PREX1: variants seen among roughly 807,000 people sequenced by gnomAD.
The protein encoded by PREX1 is phosphatidylinositol-3,4,5-trisphosphate dependent Rac exchange factor 1.
In PREX1, 41 loss-of-function variants were observed where a neutral mutation model predicts 198.3. The observed-to-expected ratio is 0.21, with a 90% CI of 0.16 to 0.27. PREX1 has a LOEUF of 0.27. PREX1 is among the 10% of genes least tolerant of loss of function. The pLI, the probability that PREX1 is intolerant of heterozygous loss-of-function variation, is 1.00. For missense variants in PREX1, 1,620 were observed against 2,200.7 expected (o/e 0.74, Z 5.28); for synonymous variants, 843 against 887.2 (o/e 0.95, Z 0.89).
chr20:48,791,070 A>G (rs150486367), intron 1 of PREX1, among the ~76,000 whole-genome samples: 1 of 152,306 alleles, frequency 6.6e-6, no homozygotes, highest in Non-Finnish European at 1.5e-5. Flanking sequence ...TGAATAATGC[A>G]TACACTGTAC....
chr20:48,763,940 G>A (rs545581181), intron 1 of PREX1, among the ~76,000 whole-genome samples: 4 of 152,052 alleles, frequency 2.6e-5, no homozygotes, highest in African/African-American at 4.8e-5. Flanking sequence ...TCCATTTTAC[G>A]AAAAAGGAGA....
At chr20:48,851,667 G>A in the PREX1 span, among the ~76,000 whole-genome samples, 1 of 152,118 alleles carries the variant, frequency 6.6e-6, no homozygotes, top group South Asian at 2.1e-4. Flanking sequence ...CATGGTGCAC[G>A]CTGGTTGGCT....
In PREX1 at chr20:48,652,500, G is replaced by A; in HGVS notation, c.2467+86C>T. 4.1e-6 allele frequency: 6 copies of A among 1,462,448 alleles called. No homozygotes were observed. In the South Asian group the frequency reaches 4.2e-5, roughly 10 times the overall value. 90.6% of individuals were successfully genotyped at this position (1,462,448 alleles called of 1,614,324 possible). ...AGGTGGACTGGCTGGGAGGAGGGGAGGGGAGGGGACAACAGGAGAGGACCC... is the reference window on the plus strand; with the variant it reads ...AGGTGGACTGGCTGGGAGGAGGGGAAGGGAGGGGACAACAGGAGAGGACCC... On this transcript the variant is annotated intron_variant, in intron 21 of 39. Transcript: ENST00000371941.
At chr20:48,743,588 G>A (rs754082667) in intron 3 of PREX1, among the ~76,000 whole-genome samples, 44 of 152,222 alleles carry the variant, frequency 2.9e-4, no homozygotes, top group Non-Finnish European at 3.8e-4. Context: ...ATGGAGGAGC[G>A]TCCGCTATGT....
intron 33 of PREX1, among the ~76,000 whole-genome samples, 155 bp from the exon 34 acceptor site, chr20:48,632,794 T>C (rs2089326107): frequency 6.6e-6 from 1 of 151,774 alleles, no homozygotes; most frequent in Non-Finnish European, 1.5e-5. Context: ...AGGGGTAGCC[T>C]CAGACCTCCC....
At chr20:48,826,847 A>C (rs115138272) in intron 1 of PREX1, among the ~76,000 whole-genome samples, 1,934 of 152,298 alleles carry the variant, frequency 0.013, 37 homozygotes, top group African/African-American at 0.044. Context: ...TGACTGAGGG[A>C]GACTCCGTCT....
Position 48,625,703 on chromosome 20 carries a change from T to A in PREX1, c.*182A>T. The stretch of plus-strand genomic sequence containing the variant: ...GCCGGCCCAGGGCCAATCAGCCAGC[T>A]CGTCATCACAGCGAGGGTGGCCAGG... On this transcript the variant is annotated 3_prime_UTR_variant, in exon 40 of 40. Coordinates refer to ENST00000371941, the MANE Select transcript of PREX1 (RefSeq NM_020820.4). The A allele has an allele frequency of 1.4e-6, 1 of 710,092 alleles. No homozygotes were observed. The highest frequency in any genetic ancestry group is 2.2e-6 in the Non-Finnish European group (1 of 450,932). The allele number at this position is 710,092 out of a possible 1,614,324, so 44.0% of individuals were successfully genotyped here.
At chr20:48,862,801 A>ATG in the PREX1 span, among the ~76,000 whole-genome samples, 3 of 133,698 alleles carry the variant, frequency 2.2e-5, no homozygotes, top group South Asian at 2.3e-4. Flanking sequence ...ATATATATAT[A>ATG]TATATATATA....
the PREX1 span, among the ~76,000 whole-genome samples, chr20:48,866,834 T>C: frequency 1.3e-5 from 2 of 151,868 alleles, no homozygotes; most frequent in Non-Finnish European, 2.9e-5. Flanking sequence ...GAGGCTAAGG[T>C]GGGAGGATCA....
intron 14 of PREX1, among the ~76,000 whole-genome samples, chr20:48,673,406 C>T (rs4810849): frequency 0.52 from 79,089 of 152,004 alleles, 21,567 homozygotes; most frequent in African/African-American, 0.68. Flanking sequence ...CTGTTGTCTC[C>T]GTGAGCCAAC....
intron 1 of PREX1, among the ~76,000 whole-genome samples, chr20:48,773,511 G>T (rs1049975900): frequency 6.6e-6 from 1 of 152,164 alleles, no homozygotes; most frequent in Non-Finnish European, 1.5e-5. Context: ...CATTCATTCA[G>T]CAGGTACTTA....
chr20:48,640,554 G>A (rs889010938), intron 29 of PREX1, among the ~76,000 whole-genome samples: 3 of 152,076 alleles, frequency 2.0e-5, no homozygotes, highest in African/African-American at 7.2e-5. Context: ...CTGAGCTGGG[G>A]AGCCCCAAGT....
intron 3 of PREX1, among the ~76,000 whole-genome samples, chr20:48,737,911 A>G (rs79895253): frequency 0.016 from 2,373 of 152,286 alleles, 34 homozygotes; most frequent in Non-Finnish European, 0.023. Context: ...CCTGAAGCCA[A>G]CCTACACTCC....
chr20:48,642,149 G>A lies in PREX1; in HGVS notation c.3775+19C>T, dbSNP rs376107540. ...CTTCCCCATCGCAGGCTGTCACCTTGGACTGGCTATCCCCTCACCTTGTAA... is the reference window on the plus strand; with the variant it reads ...CTTCCCCATCGCAGGCTGTCACCTTAGACTGGCTATCCCCTCACCTTGTAA... On this transcript the variant is annotated intron_variant, in intron 29 of 39. Transcript: ENST00000371941. The A allele has an allele frequency of 2.2e-4, 354 of 1,610,956 alleles. No individual in the cohort carries two copies. Among genetic ancestry groups the A allele is most frequent in the Non-Finnish European group, 2.8e-4 (332 of 1,177,244 alleles).
At chr20:48,750,713 C>G (rs1167393025) in intron 1 of PREX1, among the ~76,000 whole-genome samples, 1 of 152,188 alleles carries the variant, frequency 6.6e-6, no homozygotes, top group Non-Finnish European at 1.5e-5. Flanking sequence ...ATCTTCCCAT[C>G]TTGCGTTAGG....
rs1409163435 is a variant in PREX1 at position 48,679,627 on chromosome 20, G to A, written c.1539+24C>T. The A allele has an allele frequency of 5.1e-6, 8 of 1,568,424 alleles. No individual in the cohort carries two copies. In the East Asian group the frequency reaches 1.6e-4, roughly 31 times the overall value. ...GGTGAACGAGGCCAGCTGAGTCAGA[G>A]TCACAGGGGCGGAGGGCCCCTACCT... On this transcript the variant is annotated intron_variant, in intron 12 of 39. Transcript: ENST00000371941.
chr20:48,739,196 T>C (rs1269696391), intron 3 of PREX1, among the ~76,000 whole-genome samples: 2 of 152,130 alleles, frequency 1.3e-5, no homozygotes, highest in Non-Finnish European at 2.9e-5. Context: ...TGAGCTAAGC[T>C]TGCTCCCAGC....
chr20:48,844,287 C>CA, the PREX1 span, among the ~76,000 whole-genome samples: 2 of 152,176 alleles, frequency 1.3e-5, no homozygotes. Flanking sequence ...CTTGCACGGC[C>CA]ATGTTCTACT....
intron 1 of PREX1, among the ~76,000 whole-genome samples, chr20:48,785,199 C>T (rs748826778): frequency 2.6e-5 from 4 of 152,240 alleles, no homozygotes; most frequent in Non-Finnish European, 5.9e-5. Flanking sequence ...CAGGCGTGAG[C>T]CACTGCACCC....
Sources: allele counts gnomAD v4.1 joint callset (sites outside exome capture counted in the v4.1 genomes callset), GRCh38; gene constraint gnomAD v4.1.1; transcripts MANE v1.5; gene names NCBI Gene and HGNC (gene_info 2026-07-23, HGNC 2026-07-21).